SYNCRIP: variants seen among roughly 807,000 people sequenced by gnomAD.
SYNCRIP encodes the protein synaptotagmin binding cytoplasmic RNA interacting protein, also known as heterogeneous nuclear ribonucleoprotein Q.
A neutral mutation model predicts 68.9 loss-of-function variants in SYNCRIP; 9 were observed. The ratio of observed to expected loss-of-function variants is 0.13; its 90% CI spans 0.08 to 0.23. The LOEUF is 0.23. Ranked by LOEUF, SYNCRIP falls within the 10% of genes least tolerant of loss-of-function variation. The pLI is 1.00. For missense variants in SYNCRIP, 414 were observed against 770.6 expected, an observed-to-expected ratio of 0.54 and a Z score of 5.48; for synonymous variants, 258 against 254.0, an observed-to-expected ratio of 1.02 and a Z score of -0.15.
intron 6 of SYNCRIP, among the ~76,000 whole-genome samples, chr6:85,635,129 C>T (rs1808297108): frequency 6.6e-6 from 1 of 152,128 alleles, no homozygotes; most frequent in Admixed American, 6.5e-5. Flanking sequence ...CATGCCCACA[C>T]ACTCCAGCGT....
intron 8 of SYNCRIP, among the ~76,000 whole-genome samples, chr6:85,621,607 T>TAAAAA (rs34749230): frequency 8.0e-6 from 1 of 124,800 alleles, no homozygotes. Context: ...CCCTGTCACT[T>TAAAAA]AAAAAAAAAA....
chr6:85,624,303 T>G (rs563779268), intron 6 of SYNCRIP, among the ~76,000 whole-genome samples, 191 bp from the exon 7 acceptor site: 1 of 152,274 alleles, frequency 6.6e-6, no homozygotes, highest in South Asian at 2.1e-4. Flanking sequence ...TTAATGCAAA[T>G]AAAAGGTTAT....
downstream of SYNCRIP, chr6:85,608,010 C>A (rs1804967257): frequency 6.6e-6 from 1 of 152,082 alleles, no homozygotes. Context: ...CTAAAACCCA[C>A]AAATATATTG....
In SYNCRIP at chr6:85,614,551, T is replaced by C; in HGVS notation, c.*205A>G. On this transcript the variant is annotated 3_prime_UTR_variant, in exon 11 of 11. Transcript: ENST00000369622. ...CTATTTCTTTCAGTATCTAAGAATATCTTTATTGAAAAAAATTAAAAATAA... is the reference window on the plus strand; with the variant it reads ...CTATTTCTTTCAGTATCTAAGAATACCTTTATTGAAAAAAATTAAAAATAA... The C allele has an allele frequency of 7.8e-7, 1 of 1,284,430 alleles. No individual in the cohort carries two copies. Among genetic ancestry groups the C allele is most frequent in the Non-Finnish European group, 9.8e-7 (1 of 1,018,610 alleles). 79.6% of individuals were successfully genotyped at this position (1,284,430 alleles called of 1,614,324 possible). A position where few individuals can be genotyped will look rare whatever the true frequency, so the allele number is the denominator to read the frequency against.
At chr6:85,618,350 G>A (rs1354490565) in intron 10 of SYNCRIP, among the ~76,000 whole-genome samples, 1 of 151,714 alleles carries the variant, frequency 6.6e-6, no homozygotes, top group Non-Finnish European at 1.5e-5. Context: ...AGACCAACCT[G>A]GCCAACATGA....
At chr6:85,623,368 A>G (rs1806639830) in intron 7 of SYNCRIP, among the ~76,000 whole-genome samples, 1 of 151,974 alleles carries the variant, frequency 6.6e-6, no homozygotes, top group Non-Finnish European at 1.5e-5. Flanking sequence ...GTACAAGACC[A>G]GCCTGGCCAA....
intron 6 of SYNCRIP, among the ~76,000 whole-genome samples, 183 bp downstream of exon 6, chr6:85,636,784 A>C (rs574194764): frequency 6.6e-6 from 1 of 152,336 alleles, no homozygotes; most frequent in East Asian, 1.9e-4. Context: ...TAGATGCTGA[A>C]TCCTATCAAC....
At chr6:85,619,519 G>C in intron 8 of SYNCRIP, 102 bp from the exon 9 acceptor site, 1 of 1,019,984 alleles carries the variant, frequency 9.8e-7, no homozygotes, top group Non-Finnish European at 1.4e-6. Context: ...CAATCCATTA[G>C]AAGAATGTCA....
chr6:85,631,339 C>CAAAAAAAAAAAAAAAA lies in SYNCRIP; in HGVS notation c.666+5612_666+5627dup, dbSNP rs71003000. On this transcript the variant is annotated intron_variant, in intron 6 of 10. Coordinates refer to ENST00000369622, the MANE Select transcript of SYNCRIP (RefSeq NM_006372.5). ...GGGTGACAAAGCATGACTGTGTCTC[C>CAAAAAAAAAAAAAAAA]AAAAAAAAAAAAAAAAGGCCATGGC... Among the ~76,000 whole-genome samples, 110 of 91,750 alleles carry CAAAAAAAAAAAAAAAA rather than the reference C, an allele frequency of 1.2e-3. 1 individual carries two copies. Among genetic ancestry groups the CAAAAAAAAAAAAAAAA allele is most frequent in the African/African-American group, 3.2e-3 (65 of 20,090 alleles). The allele number at this position is 91,750 out of a possible 152,430, so 60.2% of individuals were successfully genotyped here.
chr6:85,641,726 C>A (rs1562118743), intron 1 of SYNCRIP, among the ~76,000 whole-genome samples: 1 of 152,120 alleles, frequency 6.6e-6, no homozygotes. Context: ...CCAATCAGCA[C>A]GGGTACGAGC....
At chr6:85,633,362 C>T (rs1057477021) in intron 6 of SYNCRIP, among the ~76,000 whole-genome samples, 2 of 152,032 alleles carry the variant, frequency 1.3e-5, no homozygotes, top group African/African-American at 2.4e-5. Flanking sequence ...TTTGGGAAGC[C>T]GAGGCCGAGA....
chr6:85,611,967 CT>C (rs1562067761), downstream of SYNCRIP: 1 of 152,310 alleles, frequency 6.6e-6, no homozygotes, highest in East Asian at 1.9e-4. Flanking sequence ...TTCGGATGCA[CT>C]TTTTTGAACA....
At chr6:85,633,237 C>G (rs1233754491) in intron 6 of SYNCRIP, among the ~76,000 whole-genome samples, 1 of 151,166 alleles carries the variant, frequency 6.6e-6, no homozygotes. Flanking sequence ...GCCTGGGCAA[C>G]AGAGTGAGAC....
At chr6:85,617,512 G>A (rs1215651364) in intron 10 of SYNCRIP, among the ~76,000 whole-genome samples, 1 of 152,142 alleles carries the variant, frequency 6.6e-6, no homozygotes, top group Non-Finnish European at 1.5e-5. Flanking sequence ...TCTTTTTGTA[G>A]TCTTCCTTCA....
At chr6:85,643,659 C>G (rs1340078440), upstream of SYNCRIP, 1 of 150,872 alleles carries the variant, frequency 6.6e-6, no homozygotes, top group Non-Finnish European at 1.5e-5. Context: ...CCACCGAGCT[C>G]CCGCCCGCCC....
At chr6:85,633,023 C>G (rs1269901967) in intron 6 of SYNCRIP, among the ~76,000 whole-genome samples, 1 of 151,836 alleles carries the variant, frequency 6.6e-6, no homozygotes, top group African/African-American at 2.4e-5. Flanking sequence ...GAAGCCAAGG[C>G]GGGTGAATCA....
intron 6 of SYNCRIP, among the ~76,000 whole-genome samples, chr6:85,635,094 G>C (rs1027319152): frequency 2.0e-5 from 3 of 152,164 alleles, no homozygotes; most frequent in Non-Finnish European, 4.4e-5. Flanking sequence ...GAGCCCAGGA[G>C]GCAGAGATTA....
chr6:85,643,714 G>C (rs1356397856), upstream of SYNCRIP: 1 of 151,688 alleles, frequency 6.6e-6, no homozygotes, highest in African/African-American at 2.4e-5. Context: ...TGCTGTGGGC[G>C]CTGAGTGCGA....
At chr6:85,634,170 A>G (rs922837947) in intron 6 of SYNCRIP, among the ~76,000 whole-genome samples, 4 of 152,230 alleles carry the variant, frequency 2.6e-5, no homozygotes, top group Non-Finnish European at 5.9e-5. Flanking sequence ...ATGCAATTTT[A>G]TAATTTAACG....
Sources: allele counts gnomAD v4.1 joint callset (sites outside exome capture counted in the v4.1 genomes callset), GRCh38; gene constraint gnomAD v4.1.1; transcripts MANE v1.5; gene names NCBI Gene and HGNC (gene_info 2026-07-23, HGNC 2026-07-21).